Variants in CD86 observed in about 807,000 individuals in gnomAD.
CD86 encodes the protein T-lymphocyte activation antigen CD86.
CD86 carries 11 observed loss-of-function variants against 32.1 expected under a neutral mutation model. The ratio of observed to expected loss-of-function variants is 0.34; its 90% CI spans 0.22 to 0.57. CD86 has a LOEUF of 0.57. Among genes scored for constraint, CD86 ranks in the 20% least tolerant of loss-of-function variants. CD86 has a pLI of 0.86. For synonymous variants in CD86, 137 were observed against 135.3 expected, an observed-to-expected ratio of 1.01 and a Z score of -0.09; for missense variants, 359 against 398.4, an observed-to-expected ratio of 0.90 and a Z score of 0.84.
At chr3:122,091,689 C>G in intron 2 of CD86, 39 bp downstream of exon 2, 1 of 1,553,602 alleles carries the variant, frequency 6.4e-7, no homozygotes, top group Non-Finnish European at 8.9e-7. Context: ...TGGAATCCTA[C>G]TGTCTCCTGA....
At chr3:122,078,697 T>C (rs1183846679) in intron 1 of CD86, among the ~76,000 whole-genome samples, 1 of 152,216 alleles carries the variant, frequency 6.6e-6, no homozygotes, top group East Asian at 1.9e-4. Flanking sequence ...TGAACCTATT[T>C]GCATTTGCAT....
At chr3:122,074,167 T>G (rs2072526408) in intron 1 of CD86, among the ~76,000 whole-genome samples, 1 of 152,212 alleles carries the variant, frequency 6.6e-6, no homozygotes, top group African/African-American at 2.4e-5. Flanking sequence ...GAGCAAAGCA[T>G]GCTGCCTTTC....
intron 5 of CD86, among the ~76,000 whole-genome samples, chr3:122,112,006 T>G (rs1040314587): frequency 2.0e-5 from 3 of 152,240 alleles, no homozygotes; most frequent in Admixed American, 1.3e-4. Context: ...CCAATCTCTC[T>G]TCTCTTTTTT....
chr3:122,058,250 C>T (rs2072268645), intron 1 of CD86, among the ~76,000 whole-genome samples: 1 of 152,088 alleles, frequency 6.6e-6, no homozygotes, highest in African/African-American at 2.4e-5. Context: ...GTTCAGTATC[C>T]TCTGTGCCTG....
intron 1 of CD86, among the ~76,000 whole-genome samples, chr3:122,086,381 CCT>C (rs2072720264): frequency 6.6e-6 from 1 of 152,106 alleles, no homozygotes; most frequent in African/African-American, 2.4e-5. Context: ...TCTGCACTCC[CCT>C]GTCCCACCCC....
intron 5 of CD86, among the ~76,000 whole-genome samples, chr3:122,113,877 G>T (rs1173792890): frequency 6.6e-6 from 1 of 152,168 alleles, no homozygotes; most frequent in African/African-American, 2.4e-5. Context: ...TGAGCTTGAT[G>T]GTATGACTCT....
intron 1 of CD86, among the ~76,000 whole-genome samples, chr3:122,063,359 G>A (rs923293922): frequency 1.7e-4 from 26 of 151,956 alleles, no homozygotes; most frequent in South Asian, 8.3e-4. Context: ...CAAGAGCTAC[G>A]GAAACATATT....
chr3:122,062,088 TAA>T (rs1047767943), intron 1 of CD86, among the ~76,000 whole-genome samples: 1 of 133,468 alleles, frequency 7.5e-6, no homozygotes, highest in Non-Finnish European at 1.6e-5. Context: ...GTTTAAAAAG[TAA>T]AAAAAAAAAA....
intron 1 of CD86, among the ~76,000 whole-genome samples, chr3:122,072,452 G>A (rs1002783682): frequency 1.3e-5 from 2 of 152,134 alleles, no homozygotes; most frequent in Non-Finnish European, 2.9e-5. Context: ...TCTCATTGTG[G>A]TTTTGATTTG....
rs1425155260 is a variant in CD86 at position 122,081,994 on chromosome 3, G to A, written c.15-9607G>A. ...TTAAAAATGAGAGGAACTGACTCAG[G>A]GTGAGAGCGATGGAGTGTCCAGATG... On this transcript the variant is annotated intron_variant, in intron 1 of 6. Coordinates refer to ENST00000330540, the MANE Select transcript of CD86 (RefSeq NM_175862.5). 2.0e-5 allele frequency among the ~76,000 whole-genome samples: 3 copies of A among 152,170 alleles called. No homozygotes were observed. In the East Asian group the frequency reaches 5.8e-4, roughly 29 times the overall value.
chr3:122,115,729 A>C (rs1459500735), intron 5 of CD86, among the ~76,000 whole-genome samples: 2 of 140,964 alleles, frequency 1.4e-5, no homozygotes, highest in Non-Finnish European at 3.1e-5. Flanking sequence ...AACAAGAGTG[A>C]AACTCCCTCT....
rs1186592907 is a variant in CD86 at position 122,120,317 on chromosome 3, C to G, written c.*783C>G. ...CAGGAAAATGCCAGAGCTTGTGAACCCTGTTTCTCTTGAAGAACTGACTAG... is the reference window on the plus strand; with the variant it reads ...CAGGAAAATGCCAGAGCTTGTGAACGCTGTTTCTCTTGAAGAACTGACTAG... On this transcript the variant is annotated 3_prime_UTR_variant, in exon 7 of 7. Transcript: ENST00000330540. 1.3e-5 allele frequency: 2 copies of G among 152,290 alleles called. No homozygotes were observed. Among genetic ancestry groups the G allele is most frequent in the East Asian group, 3.9e-4 (2 of 5,184 alleles). 9.4% of individuals were successfully genotyped at this position (152,290 alleles called of 1,614,324 possible). A position where few individuals can be genotyped will look rare whatever the true frequency, so the allele number is the denominator to read the frequency against.
intron 5 of CD86, among the ~76,000 whole-genome samples, chr3:122,115,394 A>G (rs983798738): frequency 6.6e-5 from 10 of 152,242 alleles, no homozygotes; most frequent in Non-Finnish European, 1.3e-4. Flanking sequence ...GGCCATGTTT[A>G]TGAATCAGAA....
intron 2 of CD86, among the ~76,000 whole-genome samples, chr3:122,101,513 A>ATATATATAT (rs1553753638): frequency 2.1e-3 from 95 of 46,022 alleles, no homozygotes; most frequent in African/African-American, 3.9e-3. Context: ...AAAAAAAAAA[A>ATATATATAT]ATATATATAT....
chr3:122,064,833 A>G (rs2072391013), intron 1 of CD86, among the ~76,000 whole-genome samples: 1 of 152,194 alleles, frequency 6.6e-6, no homozygotes, highest in South Asian at 2.1e-4. Flanking sequence ...CCCAGGCTTT[A>G]GTGAGTCAGA....
rs367762603 is a variant in CD86, at chr3:122,113,449, G to A, written c.847+4041G>A. ...CTCCATACTGTTTTCCATAGTGTTT[G>A]TACTAGTTTACATTCCCACCAGCAG... On this transcript the variant is annotated intron_variant, in intron 5 of 6. Coordinates refer to ENST00000330540, the MANE Select transcript of CD86 (RefSeq NM_175862.5). 2.0e-5 allele frequency among the ~76,000 whole-genome samples: 3 copies of A among 152,254 alleles called. No homozygotes were observed. The East Asian group carries it at 5.8e-4, about 29-fold the overall frequency.
chr3:122,092,566 C>T (rs1455613353), intron 2 of CD86, among the ~76,000 whole-genome samples: 2 of 152,188 alleles, frequency 1.3e-5, no homozygotes, highest in Non-Finnish European at 2.9e-5. Flanking sequence ...TTTACAGTTC[C>T]ACTTTGAGTT....
chr3:122,114,232 C>T (rs1265843800), intron 5 of CD86, among the ~76,000 whole-genome samples: 1 of 151,834 alleles, frequency 6.6e-6, no homozygotes, highest in Non-Finnish European at 1.5e-5. Flanking sequence ...GCCTGGGTGA[C>T]AGAAGATCAA....
At chr3:122,085,933 C>T (rs2072710257) in intron 1 of CD86, among the ~76,000 whole-genome samples, 1 of 152,192 alleles carries the variant, frequency 6.6e-6, no homozygotes, top group Non-Finnish European at 1.5e-5. Context: ...GCCCTGAGTG[C>T]TGCTGGGCTG....
Sources: gnomAD v4.1 joint callset for allele counts (sites outside exome capture counted in the v4.1 genomes callset) on GRCh38, gnomAD v4.1.1 for gene constraint, MANE v1.5 for transcripts, NCBI Gene and HGNC (gene_info 2026-07-23, HGNC 2026-07-21) for gene names.